Variants in RAPGEF2 observed in about 807,000 individuals in gnomAD.
RAPGEF2 encodes the protein PDZ domain containing guanine nucleotide exchange factor (GEF) 1.
In RAPGEF2, 54 loss-of-function variants were observed where a neutral mutation model predicts 186.7. The observed-to-expected ratio is 0.29, with a 90% CI of 0.23 to 0.36. RAPGEF2 has a LOEUF of 0.36. RAPGEF2 is among the 10% of genes least tolerant of loss of function. RAPGEF2 has a pLI of 1.00. For synonymous variants in RAPGEF2, 712 were observed against 705.9 expected (o/e 1.01, Z -0.14); for missense variants, 1,532 against 2,045.0 (o/e 0.75, Z 4.84).
intron 3 of RAPGEF2, among the ~76,000 whole-genome samples, chr4:159,208,141 G>C (rs180894585): frequency 2.8e-4 from 39 of 139,834 alleles, no homozygotes; most frequent in African/African-American, 1.1e-3. Flanking sequence ...AATGGACTTG[G>C]GGGGAAAGAT....
chr4:159,330,634 A>G, intron 13 of RAPGEF2, 136 bp downstream of exon 13: 1 of 610,898 alleles, frequency 1.6e-6, no homozygotes, highest in East Asian at 3.4e-5. Context: ...AGCAAAAAAA[A>G]ACAAAAAAAC....
chr4:159,132,501 C>A (rs1034105370), intron 1 of RAPGEF2, among the ~76,000 whole-genome samples: 1 of 152,166 alleles, frequency 6.6e-6, no homozygotes, highest in African/African-American at 2.4e-5. Context: ...AAAGGGCTGT[C>A]TCTCCTTTAG....
intron 4 of RAPGEF2, among the ~76,000 whole-genome samples, chr4:159,235,782 T>C (rs979640554): frequency 4.6e-5 from 7 of 152,272 alleles, no homozygotes; most frequent in African/African-American, 7.2e-5. Flanking sequence ...CTTTTGTTTA[T>C]GTATTTACTG....
At chr4:159,171,202 A>G (rs1374071178) in intron 1 of RAPGEF2, among the ~76,000 whole-genome samples, 1 of 152,220 alleles carries the variant, frequency 6.6e-6, no homozygotes, top group Non-Finnish European at 1.5e-5. Context: ...ATTTTGGCAG[A>G]AGCCAAAGAG....
intron 7 of RAPGEF2, among the ~76,000 whole-genome samples, chr4:159,256,831 A>G (rs1756225992): frequency 6.6e-6 from 1 of 152,126 alleles, no homozygotes; most frequent in Admixed American, 6.5e-5. Flanking sequence ...TGTTGGCTGC[A>G]TGAGTGTCTT....
At chr4:159,316,289 CTA>C (rs1274091511) in intron 9 of RAPGEF2, among the ~76,000 whole-genome samples, 2 of 151,970 alleles carry the variant, frequency 1.3e-5, no homozygotes, top group African/African-American at 4.8e-5. Context: ...GTACTACTAA[CTA>C]ATGATTAATG....
chr4:159,330,795 C>T, intron 13 of RAPGEF2: 1 of 301,884 alleles, frequency 3.3e-6, no homozygotes, highest in Non-Finnish European at 6.1e-6. Context: ...AAAACATAAA[C>T]ATCTGGATTC....
At chr4:159,341,993 T>A (rs749863929) in intron 20 of RAPGEF2, 46 bp downstream of exon 20, 4 of 1,507,638 alleles carry the variant, frequency 2.7e-6, no homozygotes, top group South Asian at 1.3e-5. Flanking sequence ...GTTCACAGAT[T>A]TAAAATATGT....
chr4:159,345,377 T>A, intron 24 of RAPGEF2, 48 bp downstream of exon 24: 5 of 1,570,282 alleles, frequency 3.2e-6, no homozygotes, highest in Non-Finnish European at 4.4e-6. Context: ...GGATGCAGAT[T>A]TGTTTCCTGT....
rs1732353129 is a variant in RAPGEF2, at chr4:159,358,416, C to G, written c.*277C>G. The G allele has an allele frequency of 2.5e-6, 1 of 399,188 alleles. No individual in the cohort carries two copies. 24.7% of individuals were successfully genotyped at this position (399,188 alleles called of 1,614,324 possible). On this transcript the variant is annotated 3_prime_UTR_variant, in exon 30 of 30. Transcript: ENST00000691494. Reference sequence around the variant, plus strand: ...CTCCCACTGTTGCTGCCTGCCACATCACACAGTATCATTCCAAATTCCAAG... The same window carrying G: ...CTCCCACTGTTGCTGCCTGCCACATGACACAGTATCATTCCAAATTCCAAG...
intron 4 of RAPGEF2, among the ~76,000 whole-genome samples, chr4:159,227,396 A>G (rs923592827): frequency 6.6e-6 from 1 of 152,262 alleles, no homozygotes; most frequent in African/African-American, 2.4e-5. Context: ...TTCCTTGTCT[A>G]TACAACTCAT....
At chr4:159,164,856 G>T (rs557955061) in intron 1 of RAPGEF2, among the ~76,000 whole-genome samples, 5 of 152,250 alleles carry the variant, frequency 3.3e-5, no homozygotes, top group African/African-American at 9.6e-5. Context: ...GCTTTCCAGC[G>T]TATTTTGTGA....
intron 7 of RAPGEF2, among the ~76,000 whole-genome samples, chr4:159,246,730 A>G (rs1480650430): frequency 6.6e-6 from 1 of 152,160 alleles, no homozygotes; most frequent in East Asian, 1.9e-4. Flanking sequence ...GAAGTAGGCA[A>G]TATTTTTACT....
chr4:159,269,393 T>A (rs1332903193), intron 7 of RAPGEF2, among the ~76,000 whole-genome samples: 1 of 151,982 alleles, frequency 6.6e-6, no homozygotes, highest in African/African-American at 2.4e-5. Flanking sequence ...GAGGTCCTCG[T>A]GGTACTTCAC....
intron 7 of RAPGEF2, among the ~76,000 whole-genome samples, chr4:159,255,897 T>TC (rs1756102507): frequency 1.2e-5 from 1 of 83,924 alleles, no homozygotes; most frequent in Non-Finnish European, 2.4e-5. Flanking sequence ...TTGGAAAAAA[T>TC]ATTTACTTCC....
At chr4:159,296,146 GGTT>G (rs1201022351) in intron 7 of RAPGEF2, among the ~76,000 whole-genome samples, 1 of 152,134 alleles carries the variant, frequency 6.6e-6, no homozygotes, top group Admixed American at 6.5e-5. Context: ...AGTAAATGAT[GGTT>G]GTTGTAAAGA....
At position 159,341,711 on chromosome 4, in the gene RAPGEF2, T is replaced by G; in HGVS notation, c.2682T>G (p.Phe894Leu). ...TCTCTATGCGAAATTTTGAACTCTT[T>G]CGCAACATTGAACCTACTGAATATA... ...TQLSMRNFEL[F>L]RNIEPTEYID... The change falls in exon 20 of 30, where the codon TTT becomes TTG. Residue 894 changes from phenylalanine to leucine, a missense_variant. Phe to Leu is a conservative substitution (Grantham distance 22, BLOSUM62 0). This residue lies in a region of RAPGEF2 where 810 missense variants were observed against 1,210.5 expected (regional missense o/e 0.67). Coordinates refer to ENST00000691494, the MANE Select transcript of RAPGEF2 (RefSeq NM_001394067.2). 2 of 1,614,072 alleles carry G rather than the reference T, an allele frequency of 1.2e-6. No homozygotes were observed. Among genetic ancestry groups the G allele is most frequent in the Non-Finnish European group, 1.7e-6 (2 of 1,179,946 alleles).
intron 1 of RAPGEF2, among the ~76,000 whole-genome samples, chr4:159,121,903 T>A (rs958414987): frequency 1.3e-5 from 2 of 148,318 alleles, no homozygotes; most frequent in East Asian, 4.0e-4. Context: ...CGGGCATAGG[T>A]GGTGCATGCC....
chr4:159,237,083 C>T (rs866908656), intron 4 of RAPGEF2, among the ~76,000 whole-genome samples: 31 of 152,146 alleles, frequency 2.0e-4, no homozygotes, highest in African/African-American at 7.2e-4. Context: ...TGCAGTGGCA[C>T]ATTCTTGGCT....
Sources: allele counts gnomAD v4.1 joint callset (sites outside exome capture counted in the v4.1 genomes callset), GRCh38; gene constraint gnomAD v4.1.1; regional missense constraint gnomAD v4.1.1; transcripts MANE v1.5; gene names NCBI Gene and HGNC (gene_info 2026-07-23, HGNC 2026-07-21).